Variants in HDAC9 observed in about 807,000 individuals in gnomAD.
The protein encoded by HDAC9 is MEF-2 interacting transcription repressor (MITR) protein.
In HDAC9, 41 loss-of-function variants were observed where a neutral mutation model predicts 139.4. That is an observed-to-expected ratio of 0.29 (90% CI 0.23 to 0.38). The LOEUF is 0.38. Among genes scored for constraint, HDAC9 ranks in the 10% least tolerant of loss-of-function variants. The pLI is 1.00. For missense variants in HDAC9, 1,147 were observed against 1,297.0 expected (o/e 0.88, Z 1.78); for synonymous variants, 517 against 476.2 (o/e 1.09, Z -1.12).
chr7:18,938,439 C>T (rs1746345048), intron 23 of HDAC9, among the ~76,000 whole-genome samples: 1 of 151,512 alleles, frequency 6.6e-6, no homozygotes, highest in African/African-American at 2.4e-5. Flanking sequence ...ACTAAAAATA[C>T]AAAAAATTAG....
chr7:18,598,481 A>G (rs1179525356), intron 6 of HDAC9, among the ~76,000 whole-genome samples: 1 of 152,082 alleles, frequency 6.6e-6, no homozygotes, highest in Non-Finnish European at 1.5e-5. Flanking sequence ...TGGGTCCTCA[A>G]TCTTGAGCGA....
chr7:18,563,276 C>A (rs1821170385), intron 2 of HDAC9, among the ~76,000 whole-genome samples: 2 of 152,110 alleles, frequency 1.3e-5, no homozygotes. Flanking sequence ...TTGTTTTATA[C>A]AATTGGTCTT....
At chr7:18,809,956 A>G (rs1459486096) in intron 17 of HDAC9, among the ~76,000 whole-genome samples, 1 of 152,020 alleles carries the variant, frequency 6.6e-6, no homozygotes, top group African/African-American at 2.4e-5. Flanking sequence ...TAGGCAAGAT[A>G]CGGAAAAAAC....
At position 18,644,705 on chromosome 7, in the gene HDAC9, A is replaced by G. The variant is rs538356021; in HGVS notation, c.947A>G (p.Glu316Gly). 6.2e-7 allele frequency: 1 copy of G among 1,611,404 alleles called. No individual in the cohort carries two copies. Among genetic ancestry groups the G allele is most frequent in the South Asian group, 1.1e-5 (1 of 90,852 alleles). ...MVSQQRILIH[E>G]DSMNLLSLYT... ...TCACAGCAACGCATTCTAATTCATG[A>G]AGATTCCATGAACCTGCTAAGTCTT... Residue 316 changes from glutamate to glycine, a missense_variant, in exon 9 of 26, where the codon GAA (glutamate) becomes GGA (glycine). This residue lies in a region of HDAC9 where 264 missense variants were observed against 273.8 expected (regional missense o/e 0.96). Coordinates refer to ENST00000686413, the MANE Select transcript of HDAC9 (RefSeq NM_178425.4).
At chr7:18,396,107 C>CCCTTCCCTTCCCTTCCCTTCCCTTG (rs1290814328) in intron 1 of HDAC9, among the ~76,000 whole-genome samples, 6 of 131,822 alleles carry the variant, frequency 4.6e-5, no homozygotes, top group Non-Finnish European at 4.8e-5. Flanking sequence ...CCCTTCCCTT[C>CCCTTCCCTTCCCTTCCCTTCCCTTG]CCTTCCCTTC....
chr7:18,305,673 G>A (rs905432199), intron 1 of HDAC9, among the ~76,000 whole-genome samples: 1 of 134,176 alleles, frequency 7.5e-6, no homozygotes, highest in Non-Finnish European at 1.5e-5. Flanking sequence ...TTGTACCCTT[G>A]TAGAGCACAC....
intron 2 of HDAC9, among the ~76,000 whole-genome samples, chr7:18,573,171 GT>G (rs1278369206): frequency 2.0e-5 from 3 of 152,156 alleles, no homozygotes; most frequent in African/African-American, 7.2e-5. Flanking sequence ...CCATGTAGTA[GT>G]TGACTTTAAG....
At chr7:18,826,490 T>G (rs919065327) in intron 17 of HDAC9, among the ~76,000 whole-genome samples, 4 of 152,136 alleles carry the variant, frequency 2.6e-5, no homozygotes, top group Non-Finnish European at 2.9e-5. Flanking sequence ...GTTTGTTGAT[T>G]TTGGCGAGAA....
At chr7:18,307,882 C>T (rs1799035762) in intron 1 of HDAC9, among the ~76,000 whole-genome samples, 1 of 152,080 alleles carries the variant, frequency 6.6e-6, no homozygotes. Flanking sequence ...ACAATTATCA[C>T]ACATTAACAA....
chr7:18,203,293 T>G (rs1362733939), intron 2 of HDAC9, among the ~76,000 whole-genome samples: 2 of 152,184 alleles, frequency 1.3e-5, no homozygotes, highest in African/African-American at 4.8e-5. Context: ...TTCAGGCACT[T>G]TGTTTCCACA....
At chr7:18,414,971 T>C (rs1380983649) in intron 1 of HDAC9, among the ~76,000 whole-genome samples, 1 of 152,224 alleles carries the variant, frequency 6.6e-6, no homozygotes, top group Admixed American at 6.5e-5. Context: ...CTATTTGTTC[T>C]ATGGCCTGTG....
chr7:18,089,971 G>A (rs1004240355), intron 1 of HDAC9, among the ~76,000 whole-genome samples: 2 of 151,836 alleles, frequency 1.3e-5, no homozygotes, highest in African/African-American at 4.8e-5. Flanking sequence ...AGTTGGTGGG[G>A]GCTCTTACTG....
Position 18,847,295 on chromosome 7 carries a change from AT to A in HDAC9, c.2684+11304del, listed in dbSNP as rs1029859901. On this transcript the variant is annotated intron_variant, in intron 21 of 25. Coordinates refer to ENST00000686413, the MANE Select transcript of HDAC9 (RefSeq NM_178425.4). ...TTACAACACAGAAGCCCCAATTTCC[AT>A]TTTTTAAACAAGTGATTACTTTTCA... Among the ~76,000 whole-genome samples the A allele has an allele frequency of 2.0e-5, 3 of 152,078 alleles. No homozygotes were observed. The East Asian group carries it at 5.8e-4, about 29-fold the overall frequency.
chr7:18,704,632 A>G (rs1435665441), intron 12 of HDAC9, among the ~76,000 whole-genome samples: 1 of 152,202 alleles, frequency 6.6e-6, no homozygotes, highest in Non-Finnish European at 1.5e-5. Context: ...TAAGATTTGG[A>G]GCAAAGATAA....
chr7:18,990,547 A>G (rs556582769), intron 25 of HDAC9, among the ~76,000 whole-genome samples: 1 of 152,348 alleles, frequency 6.6e-6, no homozygotes, highest in East Asian at 1.9e-4. Flanking sequence ...AGAGGCAGGC[A>G]GGCCTCCTTG....
chr7:18,238,305 TA>T (rs1222859297), intron 2 of HDAC9, among the ~76,000 whole-genome samples: 1 of 152,216 alleles, frequency 6.6e-6, no homozygotes, highest in Admixed American at 6.5e-5. Context: ...AATTTATAGA[TA>T]AGTAAACTGA....
At chr7:18,833,127 G>T (rs979997071) in intron 19 of HDAC9, among the ~76,000 whole-genome samples, 1 of 152,124 alleles carries the variant, frequency 6.6e-6, no homozygotes, top group East Asian at 1.9e-4. Flanking sequence ...TAAATATTTG[G>T]TGAATATGAA....
At chr7:18,268,803 A>C (rs930244083) in intron 2 of HDAC9, among the ~76,000 whole-genome samples, 2 of 152,132 alleles carry the variant, frequency 1.3e-5, no homozygotes, top group Non-Finnish European at 2.9e-5. Flanking sequence ...TGACTTCTCT[A>C]CTTAAATGGA....
chr7:18,447,481 T>A (rs1369349538), intron 1 of HDAC9, among the ~76,000 whole-genome samples: 4 of 152,196 alleles, frequency 2.6e-5, no homozygotes, highest in Non-Finnish European at 5.9e-5. Context: ...CCATTTGTAT[T>A]GTTAGCCCAT....
Sources: allele counts gnomAD v4.1 joint callset (sites outside exome capture counted in the v4.1 genomes callset), GRCh38; gene constraint gnomAD v4.1.1; regional missense constraint gnomAD v4.1.1; transcripts MANE v1.5; gene names NCBI Gene and HGNC (gene_info 2026-07-23, HGNC 2026-07-21).